The following MAML1 variants were observed in gnomAD, a reference collection of about 807,000 sequenced individuals.
The protein encoded by MAML1 is mastermind like transcriptional coactivator 1, also known as mastermind-like protein 1.
Under a neutral mutation model 77.1 loss-of-function variants are expected in MAML1, and 14 were observed. The ratio of observed to expected loss-of-function variants is 0.18; its 90% CI spans 0.12 to 0.28. The LOEUF is 0.28. MAML1 is among the 10% of genes least tolerant of loss of function. The probability of loss-of-function intolerance (pLI) is 1.00; values close to 1 mark genes in which losing one functional copy is unlikely to be tolerated. For missense variants in MAML1, 1,217 were observed against 1,327.8 expected (o/e 0.92, Z 1.30); for synonymous variants, 516 against 551.9 (o/e 0.93, Z 0.91).
chr5:179,751,752 C>T (rs576952755), intron 1 of MAML1, among the ~76,000 whole-genome samples: 1 of 152,176 alleles, frequency 6.6e-6, no homozygotes, highest in South Asian at 2.1e-4. Context: ...TAGCTCATGC[C>T]TGTAATCCCA....
Position 179,766,599 on chromosome 5 carries a change from C to G in MAML1, c.1589C>G (p.Pro530Arg), listed in dbSNP as rs766950379. 1.4e-5 allele frequency: 23 copies of G among 1,612,710 alleles called. No individual in the cohort carries two copies. The highest frequency in any genetic ancestry group is 3.3e-4 in the Middle Eastern group (2 of 6,080). ...AAAGCGGACTGTGGGCAAGGCAGCC[C>G]GGGGTCTGGCCAGAGCAAGCCAGCC... is the stretch of plus-strand genomic sequence containing the variant. ...HYKADCGQGS[P>R]GSGQSKPALM... The change falls in exon 2 of 5, where the codon CCG (proline) becomes CGG (arginine). Residue 530 changes from proline to arginine, a missense_variant. This residue lies in a region of MAML1 where 884 missense variants were observed against 949.3 expected (regional missense o/e 0.93). Transcript: ENST00000292599. This position sits in a 1 kb window ranked among gnomAD's most constrained non-coding sequence, Gnocchi z 4.0.
Position 179,776,249 on chromosome 5 carries a change from A to G in MAML1, c.*1372A>G. 2.0e-6 allele frequency: 2 copies of G among 985,886 alleles called. No individual in the cohort carries two copies. The highest frequency in any genetic ancestry group is 2.4e-6 in the Non-Finnish European group (2 of 829,964). The allele number at this position is 985,886 out of a possible 1,614,324, so 61.1% of individuals were successfully genotyped here. Reference sequence around the variant, plus strand: ...CTCAGATGCAGAGTGTTCTGTGGAGAAACTGCAGCCCCACTTCTGTTTCCC... The same window carrying G: ...CTCAGATGCAGAGTGTTCTGTGGAGGAACTGCAGCCCCACTTCTGTTTCCC... On this transcript the variant is annotated 3_prime_UTR_variant, in exon 5 of 5. Transcript: ENST00000292599.
Position 179,766,759 on chromosome 5 carries a change from C to T in MAML1, c.1731+18C>T. 2 of 1,508,004 alleles carry T rather than the reference C, an allele frequency of 1.3e-6. No individual in the cohort carries two copies. Among genetic ancestry groups the T allele is most frequent in the East Asian group, 2.3e-5 (1 of 43,478 alleles). The allele number at this position is 1,508,004 out of a possible 1,614,324, so 93.4% of individuals were successfully genotyped here. A position where few individuals can be genotyped will look rare whatever the true frequency, so the allele number is the denominator to read the frequency against. ...CTGGCCAGGTAAGTATGAGCCTTTG[C>T]TTTCTGTTCCTCTGCTGCAGACACT... On this transcript the variant is annotated intron_variant, in intron 2 of 4. Coordinates refer to ENST00000292599, the MANE Select transcript of MAML1 (RefSeq NM_014757.5). This position sits in a 1 kb window ranked among gnomAD's most constrained non-coding sequence, Gnocchi z 4.0.
intron 1 of MAML1, among the ~76,000 whole-genome samples, chr5:179,760,710 G>A (rs955197219): frequency 3.3e-5 from 5 of 152,128 alleles, no homozygotes; most frequent in African/African-American, 1.2e-4. Flanking sequence ...GGCAGGAGAA[G>A]GGGAGACTTC....
chr5:179,757,219 C>T (rs1217628696), intron 1 of MAML1, among the ~76,000 whole-genome samples: 1 of 152,122 alleles, frequency 6.6e-6, no homozygotes, highest in Admixed American at 6.6e-5. Flanking sequence ...TGAATGAGTA[C>T]TCTATGAGCC....
chr5:179,761,912 C>G (rs965100128), intron 1 of MAML1, among the ~76,000 whole-genome samples: 8 of 152,128 alleles, frequency 5.3e-5, no homozygotes, highest in Non-Finnish European at 4.4e-5. Context: ...TCCATATTGC[C>G]ATAGATCAAG....
chr5:179,755,180 C>T (rs535569041), intron 1 of MAML1, among the ~76,000 whole-genome samples: 1 of 152,180 alleles, frequency 6.6e-6, no homozygotes, highest in Non-Finnish European at 1.5e-5. Context: ...TCTTGAAATT[C>T]AGGATAACCG....
Position 179,775,052 on chromosome 5 carries a change from C to T in MAML1, c.*175C>T, listed in dbSNP as rs1248846969. The T allele has an allele frequency of 4.9e-6, 7 of 1,419,004 alleles. No individual in the cohort carries two copies. Among genetic ancestry groups the T allele is most frequent in the South Asian group, 1.6e-5 (1 of 62,842 alleles). 87.9% of individuals were successfully genotyped at this position (1,419,004 alleles called of 1,614,324 possible). A position where few individuals can be genotyped will look rare whatever the true frequency, so the allele number is the denominator to read the frequency against. On this transcript the variant is annotated 3_prime_UTR_variant, in exon 5 of 5. Transcript: ENST00000292599. ...AGGGTCTGTGGCTGCGCCCCTCAGG[C>T]CAGCAGTTGAGGTCCATCGGGCTGG... is the stretch of plus-strand genomic sequence containing the variant.
intron 1 of MAML1, among the ~76,000 whole-genome samples, chr5:179,748,565 G>A (rs1277580558): frequency 6.6e-6 from 1 of 152,164 alleles, no homozygotes; most frequent in East Asian, 1.9e-4. Context: ...CAGTGTAAGT[G>A]GTCCGACATC....
intron 1 of MAML1, among the ~76,000 whole-genome samples, chr5:179,756,421 C>T (rs1315243367): frequency 7.4e-6 from 1 of 134,746 alleles, no homozygotes; most frequent in Non-Finnish European, 1.6e-5. Flanking sequence ...ACAGACAGAG[C>T]GGGACTCTGT....
intron 1 of MAML1, among the ~76,000 whole-genome samples, chr5:179,751,629 C>T (rs889339739): frequency 2.0e-5 from 3 of 151,732 alleles, no homozygotes; most frequent in Admixed American, 6.6e-5. Flanking sequence ...CACTTGAACC[C>T]GGGAGGCAGC....
chr5:179,733,732 C>A (rs903351877), intron 1 of MAML1, among the ~76,000 whole-genome samples: 1 of 152,194 alleles, frequency 6.6e-6, no homozygotes, highest in East Asian at 1.9e-4. Flanking sequence ...GATCTTTATT[C>A]GAAATAGACT....
rs1238091048 is a variant in MAML1 at position 179,769,446 on chromosome 5, T to C, written c.1971+357T>C. Reference sequence around the variant, plus strand: ...TCAGCTTTGCTGCCACTACAGAGCCTGTTATAAGCCAGAACGTGAAGAGGG... The same window carrying C: ...TCAGCTTTGCTGCCACTACAGAGCCCGTTATAAGCCAGAACGTGAAGAGGG... On this transcript the variant is annotated intron_variant, in intron 3 of 4. Coordinates refer to ENST00000292599, the MANE Select transcript of MAML1 (RefSeq NM_014757.5). This position sits in a 1 kb window ranked among gnomAD's most constrained non-coding sequence, Gnocchi z 4.2. Among the ~76,000 whole-genome samples, 1 of 152,158 alleles carries C rather than the reference T, an allele frequency of 6.6e-6. No homozygotes were observed. The highest frequency in any genetic ancestry group is 1.5e-5 in the Non-Finnish European group (1 of 68,034).
chr5:179,734,274 T>A (rs1779124453), intron 1 of MAML1, among the ~76,000 whole-genome samples: 1 of 152,230 alleles, frequency 6.6e-6, no homozygotes, highest in Admixed American at 6.5e-5. Context: ...ATACCTTTAT[T>A]ATCTCTCACC....
chr5:179,773,549 T>G (rs1440272128), intron 4 of MAML1, among the ~76,000 whole-genome samples: 2 of 152,250 alleles, frequency 1.3e-5, no homozygotes, highest in Non-Finnish European at 2.9e-5. Flanking sequence ...TGTGCTAACT[T>G]TGCCTCCCAG....
intron 1 of MAML1, among the ~76,000 whole-genome samples, chr5:179,749,968 A>G (rs1316932110): frequency 6.6e-6 from 1 of 152,234 alleles, no homozygotes; most frequent in African/African-American, 2.4e-5. Flanking sequence ...GATCTTGCTC[A>G]CGACTTCCTC....
chr5:179,765,421 T>C lies in MAML1; in HGVS notation c.411T>C (p.His137=). The C allele has an allele frequency of 6.2e-7, 1 of 1,614,220 alleles. No homozygotes were observed. The highest frequency in any genetic ancestry group is 8.5e-7 in the Non-Finnish European group (1 of 1,180,030). The part of the protein sequence containing the change: ...QNGYGDLFPG[H]KKTRREAPLG... ...GCTACGGGGACCTCTTTCCTGGGCA[T>C]AAGAAGACTCGCCGGGAGGCCCCTC... Residue 137 remains histidine, a synonymous_variant, in exon 2 of 5, where the codon CAT becomes CAC. Coordinates refer to ENST00000292599, the MANE Select transcript of MAML1 (RefSeq NM_014757.5).
Position 179,773,897 on chromosome 5 carries a change from T to C in MAML1, c.2071T>C (p.Ser691Pro), listed in dbSNP as rs1756060570. The C allele has an allele frequency of 6.2e-7, 1 of 1,611,708 alleles. No homozygotes were observed. Among genetic ancestry groups the C allele is most frequent in the African/African-American group, 1.3e-5 (1 of 74,864 alleles). The change falls in exon 5 of 5, where the codon TCC (serine) becomes CCC (proline). Residue 691 changes from serine to proline, a missense_variant and splice_region_variant. Physicochemically the swap from Ser to Pro is moderately conservative, Grantham distance 74. Coordinates refer to ENST00000292599, the MANE Select transcript of MAML1 (RefSeq NM_014757.5). The part of the protein sequence containing the change: ...FPQQVGQFTG[S>P]SAAVPGMNTL... ...CCAGACTCTTCTCTGTCTTGTAGGG[T>C]CCTCTGCTGCCGTGCCCGGCATGAA...
intron 1 of MAML1, among the ~76,000 whole-genome samples, chr5:179,740,779 A>T (rs1779267690): frequency 6.6e-6 from 1 of 152,140 alleles, no homozygotes; most frequent in African/African-American, 2.4e-5. Flanking sequence ...GCTGGACTAG[A>T]TGGCTTTGTT....
Sources: gnomAD v4.1 joint callset for allele counts (sites outside exome capture counted in the v4.1 genomes callset) on GRCh38, gnomAD v4.1.1 for gene constraint, gnomAD v4.1.1 regional missense constraint, Gnocchi (gnomAD v3.1) non-coding constraint, MANE v1.5 for transcripts, NCBI Gene and HGNC (gene_info 2026-07-23, HGNC 2026-07-21) for gene names.